The following KICS2 variants were observed in gnomAD, a reference collection of about 807,000 sequenced individuals.
KICS2 encodes the protein KICSTOR complex protein C12orf66.
In KICS2, 13 loss-of-function variants were observed where a neutral mutation model predicts 31.4. The ratio of observed to expected loss-of-function variants is 0.41; its 90% CI spans 0.27 to 0.66. KICS2 has a LOEUF of 0.66. Ranked by LOEUF, KICS2 falls within the 30% of genes least tolerant of loss-of-function variation. The pLI, the probability that KICS2 is intolerant of heterozygous loss-of-function variation, is 0.28. For missense variants in KICS2, 455 were observed against 545.4 expected (o/e 0.83, Z 1.65); for synonymous variants, 209 against 214.8 (o/e 0.97, Z 0.24).
intron 2 of KICS2, among the ~76,000 whole-genome samples, chr12:64,205,775 G>GCGAA (rs2037533526): frequency 2.5e-5 from 1 of 39,542 alleles, no homozygotes; most frequent in African/African-American, 8.4e-5. Context: ...GAAGGAAAAA[G>GCGAA]GGAAGGAAGG....
chr12:64,194,156 C>G lies in KICS2; in HGVS notation c.1024G>C (p.Gly342Arg). ...HPHSYREAPK[G>R]VDQYPAVVSL... ...ACTACAGCTGGATACTGGTCCACAC[C>G]CTTGGGGGCCTCTCTGTAGGAATGG... is the stretch of plus-strand genomic sequence containing the variant. The change falls in exon 3 of 3, where the codon GGT (glycine) becomes CGT (arginine). Residue 342 changes from glycine to arginine, a missense_variant. By Grantham distance (125) the Gly-to-Arg change is moderately radical. Coordinates refer to ENST00000398055, the MANE Select transcript of KICS2 (RefSeq NM_152440.5). 1 of 1,614,128 alleles carries G rather than the reference C, an allele frequency of 6.2e-7. No individual in the cohort carries two copies. The highest frequency in any genetic ancestry group is 1.3e-5 in the African/African-American group (1 of 75,012).
downstream of KICS2, chr12:64,187,536 G>T: frequency 1.8e-6 from 2 of 1,135,076 alleles, no homozygotes; most frequent in Non-Finnish European, 2.5e-6. Flanking sequence ...ATCAAGAGAA[G>T]TCTCCAAAGG....
chr12:64,203,834 C>T (rs2037512631), intron 2 of KICS2, among the ~76,000 whole-genome samples: 1 of 152,174 alleles, frequency 6.6e-6, no homozygotes, highest in Non-Finnish European at 1.5e-5. Flanking sequence ...TGCTTTTCAT[C>T]TATTATCTGC....
intron 2 of KICS2, among the ~76,000 whole-genome samples, chr12:64,196,663 G>T (rs1313526140): frequency 1.4e-5 from 2 of 147,420 alleles, no homozygotes; most frequent in African/African-American, 5.0e-5. Flanking sequence ...AGCTACGGGA[G>T]GACATTCAAA....
intron 2 of KICS2, chr12:64,204,844 T>C (rs1327148918): frequency 1.3e-5 from 2 of 152,162 alleles, no homozygotes; most frequent in African/African-American, 4.8e-5. Context: ...CAGAGAAGAT[T>C]AGCATGTCCC....
chr12:64,209,517 G>A (rs1250056136), intron 2 of KICS2, among the ~76,000 whole-genome samples: 4 of 152,054 alleles, frequency 2.6e-5, no homozygotes, highest in East Asian at 1.9e-4. Flanking sequence ...CCCAGGAGGC[G>A]GAGGTTGCAG....
chr12:64,204,686 C>T (rs1047623107), intron 2 of KICS2: 2 of 151,908 alleles, frequency 1.3e-5, no homozygotes, highest in African/African-American at 2.4e-5. Flanking sequence ...GGCCTACATA[C>T]GTGGGAGGAT....
chr12:64,215,388 C>G (rs539085156), intron 2 of KICS2, among the ~76,000 whole-genome samples: 17 of 152,178 alleles, frequency 1.1e-4, no homozygotes, highest in African/African-American at 2.9e-4. Flanking sequence ...ATACAATTCT[C>G]TTGTTGTGTG....
Position 64,193,901 on chromosome 12 carries a change from A to G in KICS2, c.1279T>C (p.Ser427Pro). 6.2e-7 allele frequency: 1 copy of G among 1,614,232 alleles called. No homozygotes were observed. The highest frequency in any genetic ancestry group is 8.5e-7 in the Non-Finnish European group (1 of 1,180,032). The change falls in exon 3 of 3, where the codon TCA becomes CCA. Residue 427 changes from serine to proline, a missense_variant. Coordinates refer to ENST00000398055, the MANE Select transcript of KICS2 (RefSeq NM_152440.5). ...ACTTTGGGGTTCTTAAGGGCAAGTGAGACCTCATTGAGGAAGGAAATAAAG... is the reference window on the plus strand; with the variant it reads ...ACTTTGGGGTTCTTAAGGGCAAGTGGGACCTCATTGAGGAAGGAAATAAAG... ...SHFISFLNEV[S>P]LALKNPKVFA...
intron 2 of KICS2, among the ~76,000 whole-genome samples, chr12:64,202,009 C>A (rs1459584246): frequency 2.0e-5 from 3 of 152,234 alleles, no homozygotes; most frequent in Non-Finnish European, 2.9e-5. Flanking sequence ...ATTCTTCTCA[C>A]TTTCTCCAGA....
chr12:64,220,192 T>C (rs2037667487), intron 1 of KICS2, among the ~76,000 whole-genome samples: 1 of 152,136 alleles, frequency 6.6e-6, no homozygotes, highest in Non-Finnish European at 1.5e-5. Context: ...CACCAAATGT[T>C]GTATAGGTCA....
At chr12:64,215,632 T>C (rs749600586) in intron 2 of KICS2, 46 bp downstream of exon 2, 37 of 1,526,288 alleles carry the variant, frequency 2.4e-5, no homozygotes, top group Middle Eastern at 4.6e-4. Flanking sequence ...TTGTGTGGGA[T>C]TGATAGGACA....
chr12:64,206,842 A>T (rs1342353711), intron 2 of KICS2, among the ~76,000 whole-genome samples: 1 of 152,170 alleles, frequency 6.6e-6, no homozygotes, highest in Non-Finnish European at 1.5e-5. Flanking sequence ...GAGTAGTCAA[A>T]CTCATGGAAA....
chr12:64,195,768 G>C (rs1375794042), intron 2 of KICS2, among the ~76,000 whole-genome samples: 7 of 152,398 alleles, frequency 4.6e-5, no homozygotes, highest in Non-Finnish European at 8.8e-5. Flanking sequence ...CCGAAGCAGG[G>C]CGAGGCATTG....
chr12:64,189,056 G>A (rs2037360578), downstream of KICS2, among the ~76,000 whole-genome samples: 1 of 152,140 alleles, frequency 6.6e-6, no homozygotes. Context: ...AGGAGGCTGA[G>A]GCAGGAGAAT....
At chr12:64,187,545 G>C (rs2037347667), downstream of KICS2, 1 of 1,245,034 alleles carries the variant, frequency 8.0e-7, no homozygotes. Flanking sequence ...AGTCTCCAAA[G>C]GCAGAAATGC....
intron 2 of KICS2, among the ~76,000 whole-genome samples, chr12:64,203,824 T>G (rs952241896): frequency 6.6e-6 from 1 of 152,216 alleles, no homozygotes; most frequent in African/African-American, 2.4e-5. Flanking sequence ...AAACACACAT[T>G]GCTTTTCATC....
chr12:64,203,859 T>A (rs1215837978), intron 2 of KICS2, among the ~76,000 whole-genome samples: 1 of 152,168 alleles, frequency 6.6e-6, no homozygotes, highest in Non-Finnish European at 1.5e-5. Context: ...TACATCAACA[T>A]CCTTCCAGCT....
downstream of KICS2, among the ~76,000 whole-genome samples, chr12:64,189,259 T>C (rs905005235): frequency 6.6e-6 from 1 of 152,218 alleles, no homozygotes; most frequent in Non-Finnish European, 1.5e-5. Context: ...TAGTTGGAGG[T>C]GAATTTCTCT....
Sources: allele counts gnomAD v4.1 joint callset (sites outside exome capture counted in the v4.1 genomes callset), GRCh38; gene constraint gnomAD v4.1.1; transcripts MANE v1.5; gene names NCBI Gene and HGNC (gene_info 2026-07-23, HGNC 2026-07-21).